Variants in ADAMTSL1 observed in about 807,000 individuals in gnomAD.
The protein encoded by ADAMTSL1 is ADAMTS like 1, also known as ADAMTS-like protein 1.
In ADAMTSL1, 126 loss-of-function variants were observed where a neutral mutation model predicts 201.8. That is an observed-to-expected ratio of 0.62 (90% CI 0.54 to 0.72). The LOEUF (loss-of-function observed/expected upper bound fraction) is 0.72. Among genes scored for constraint, ADAMTSL1 ranks in the 30% least tolerant of loss-of-function variants. The probability of loss-of-function intolerance (pLI) is 0.00; values close to 1 mark genes in which losing one functional copy is unlikely to be tolerated. For synonymous variants in ADAMTSL1, 1,121 were observed against 903.4 expected (o/e 1.24, Z -4.32); for missense variants, 2,679 against 2,277.8 (o/e 1.18, Z -3.59).
chr9:18,547,101 G>T (rs1034542620), intron 3 of ADAMTSL1, among the ~76,000 whole-genome samples: 1 of 152,058 alleles, frequency 6.6e-6, no homozygotes, highest in Non-Finnish European at 1.5e-5. Flanking sequence ...ATAGCAGATC[G>T]TTTTTGACTA....
chr9:18,363,376 G>A (rs527259254), intron 2 of ADAMTSL1, among the ~76,000 whole-genome samples: 8 of 152,276 alleles, frequency 5.3e-5, no homozygotes, highest in Non-Finnish European at 1.0e-4. Context: ...ATTATAAGCC[G>A]ACAAGCGTAT....
intron 2 of ADAMTSL1, among the ~76,000 whole-genome samples, chr9:18,219,496 G>C (rs1830177088): frequency 6.6e-6 from 1 of 151,944 alleles, no homozygotes. Flanking sequence ...AGCCTCCTGA[G>C]TAGTTGGGAT....
intron 2 of ADAMTSL1, among the ~76,000 whole-genome samples, chr9:18,436,941 T>C (rs191027086): frequency 5.9e-5 from 9 of 152,182 alleles, no homozygotes; most frequent in Admixed American, 5.9e-4. Flanking sequence ...CACCATAAAG[T>C]TGTAGCCAAC....
intron 2 of ADAMTSL1, among the ~76,000 whole-genome samples, chr9:18,247,257 G>A (rs1009123207): frequency 2.0e-5 from 3 of 152,082 alleles, no homozygotes; most frequent in Non-Finnish European, 4.4e-5. Flanking sequence ...AGCTAATGTA[G>A]TCATCCATTT....
At chr9:18,343,250 C>T (rs1462767672) in intron 2 of ADAMTSL1, among the ~76,000 whole-genome samples, 1 of 152,066 alleles carries the variant, frequency 6.6e-6, no homozygotes, top group East Asian at 1.9e-4. Context: ...TTTAGGAAAG[C>T]TCCCCCCATA....
chr9:18,039,460 G>C (rs1228835168), intron 1 of ADAMTSL1, among the ~76,000 whole-genome samples: 4 of 151,892 alleles, frequency 2.6e-5, no homozygotes, highest in African/African-American at 9.7e-5. Flanking sequence ...CAATAATTTT[G>C]GTGGGCTCAA....
At position 18,574,086 on chromosome 9, in the gene ADAMTSL1, T is replaced by A; in HGVS notation, c.294T>A (p.Asp98Glu). Residue 98 changes from aspartate to glutamate, a missense_variant, in exon 4 of 29, where the codon GAT becomes GAA. Transcript: ENST00000380548. ...FRAQQCSAHN[D>E]VKHHGQFYEW... is the part of the protein sequence containing the mutation. ...CTCAGCAATGCTCAGCTCATAATGA[T>A]GTCAAGCACCATGGCCAGTTTTATG... 6.2e-7 allele frequency: 1 copy of A among 1,614,158 alleles called. No homozygotes were observed. Among genetic ancestry groups the A allele is most frequent in the South Asian group, 1.1e-5 (1 of 91,086 alleles).
At chr9:18,896,887 G>T (rs1326569502) in intron 26 of ADAMTSL1, among the ~76,000 whole-genome samples, 1 of 152,074 alleles carries the variant, frequency 6.6e-6, no homozygotes, top group African/African-American at 2.4e-5. Flanking sequence ...GCATCATTCT[G>T]CAGGCCCCAC....
intron 13 of ADAMTSL1, among the ~76,000 whole-genome samples, chr9:18,688,058 A>G (rs1239452289): frequency 6.6e-6 from 1 of 151,800 alleles, no homozygotes; most frequent in African/African-American, 2.4e-5. Flanking sequence ...TTGTTATGAC[A>G]CATCTGATTC....
At chr9:18,086,219 C>A (rs985994688) in intron 1 of ADAMTSL1, among the ~76,000 whole-genome samples, 1 of 152,046 alleles carries the variant, frequency 6.6e-6, no homozygotes, top group Non-Finnish European at 1.5e-5. Flanking sequence ...CAGAGTGAAG[C>A]AGGCACAAGA....
chr9:18,753,537 G>A (rs746357637), intron 16 of ADAMTSL1, 29 bp downstream of exon 16: 3 of 1,586,006 alleles, frequency 1.9e-6, no homozygotes, highest in African/African-American at 1.3e-5. Context: ...CAATATTGGA[G>A]CTTTTGTTTG....
intron 7 of ADAMTSL1, among the ~76,000 whole-genome samples, chr9:18,647,602 G>C (rs572742439): frequency 5.3e-5 from 8 of 151,984 alleles, no homozygotes; most frequent in African/African-American, 1.7e-4. Flanking sequence ...GTTCTCGTTG[G>C]TTTCAAAGAA....
At chr9:18,502,905 C>T (rs1822916359) in intron 1 of ADAMTSL1, among the ~76,000 whole-genome samples, 1 of 151,894 alleles carries the variant, frequency 6.6e-6, no homozygotes, top group African/African-American at 2.4e-5. Flanking sequence ...TATGTTTATA[C>T]ATATTAATAA....
intron 16 of ADAMTSL1, among the ~76,000 whole-genome samples, chr9:18,758,404 AAC>A (rs1491054061): frequency 1.1e-4 from 17 of 152,302 alleles, no homozygotes; most frequent in Admixed American, 2.0e-4. Flanking sequence ...GGTGGCTTAA[AAC>A]AACACAAACT....
At chr9:18,465,857 T>G (rs957140589) in intron 2 of ADAMTSL1, among the ~76,000 whole-genome samples, 2 of 152,232 alleles carry the variant, frequency 1.3e-5, no homozygotes, top group Non-Finnish European at 2.9e-5. Context: ...CAAGCAATTC[T>G]TCTGCCTCAG....
intron 2 of ADAMTSL1, among the ~76,000 whole-genome samples, chr9:18,287,527 A>G (rs1226615042): frequency 1.3e-5 from 2 of 151,484 alleles, no homozygotes; most frequent in Non-Finnish European, 2.9e-5. Context: ...ATATATTTAC[A>G]TATATGTAAA....
intron 15 of ADAMTSL1, among the ~76,000 whole-genome samples, chr9:18,736,165 A>G (rs894540048): frequency 3.9e-5 from 6 of 152,130 alleles, no homozygotes; most frequent in Admixed American, 6.5e-5. Flanking sequence ...AAATTCTAAT[A>G]TGAAGTAGAG....
At chr9:18,112,857 C>A (rs191826573) in intron 1 of ADAMTSL1, among the ~76,000 whole-genome samples, 41 of 152,246 alleles carry the variant, frequency 2.7e-4, no homozygotes, top group African/African-American at 7.9e-4. Context: ...GAGCTTAATA[C>A]CTATTAGTTG....
At chr9:18,081,084 GA>G (rs1823480305) in intron 1 of ADAMTSL1, among the ~76,000 whole-genome samples, 1 of 152,004 alleles carries the variant, frequency 6.6e-6, no homozygotes, top group Non-Finnish European at 1.5e-5. Context: ...CATTCTTCTG[GA>G]AAAAAAGAAA....
Sources: allele counts gnomAD v4.1 joint callset (sites outside exome capture counted in the v4.1 genomes callset), GRCh38; gene constraint gnomAD v4.1.1; transcripts MANE v1.5; gene names NCBI Gene and HGNC (gene_info 2026-07-23, HGNC 2026-07-21).